The following FEZ2 variants were observed in gnomAD, a reference collection of about 807,000 sequenced individuals.
FEZ2 encodes fasciculation and elongation protein zeta 2.
FEZ2 carries 51 observed loss-of-function variants against 40.4 expected under a neutral mutation model. The ratio of observed to expected loss-of-function variants is 1.26; its 90% CI spans 1.01 to 1.59. The LOEUF (loss-of-function observed/expected upper bound fraction) is 1.59. Ranked by LOEUF, FEZ2 falls within the 40% of genes most tolerant of loss-of-function variation. FEZ2 has a pLI of 0.00. For missense variants in FEZ2, 640 were observed against 438.3 expected (o/e 1.46, Z -4.11); for synonymous variants, 242 against 172.0 (o/e 1.41, Z -3.18).
intron 2 of FEZ2, among the ~76,000 whole-genome samples, chr2:36,587,081 G>T (rs1156877839): frequency 2.6e-5 from 4 of 152,196 alleles, no homozygotes; most frequent in African/African-American, 7.2e-5. Context: ...CAGCACAGAA[G>T]ATGTTCTTAA....
rs1667942366 is a variant in FEZ2, at chr2:36,555,748, A to ATGTCCTCCTT, written c.980-1_980insAAGGAGGACA (p.Ile327LysfsTer13). On this transcript the variant is annotated frameshift_variant and splice_region_variant. Transcript: ENST00000405912. LOFTEE classifies it high-confidence loss of function. The stretch of plus-strand genomic sequence containing the variant: ...ACTGTCCTCCTTCATGGCACGAAGA[A>ATGTCCTCCTT]CTGCAAAATAGAAGAGGGGAAAAAA... The ATGTCCTCCTT allele has an allele frequency of 5.8e-6, 9 of 1,548,352 alleles. No homozygotes were observed. Among genetic ancestry groups the ATGTCCTCCTT allele is most frequent in the African/African-American group, 1.4e-5 (1 of 71,840 alleles).
intron 7 of FEZ2, among the ~76,000 whole-genome samples, chr2:36,553,476 C>T (rs1667874715): frequency 6.6e-6 from 1 of 152,142 alleles, no homozygotes; most frequent in Admixed American, 6.5e-5. Context: ...TGTGACACAA[C>T]AAACAGGATC....
intron 1 of FEZ2, among the ~76,000 whole-genome samples, chr2:36,596,814 C>G (rs981263624): frequency 7.2e-5 from 11 of 152,110 alleles, no homozygotes; most frequent in Admixed American, 3.9e-4. Flanking sequence ...CTCCTCTCCC[C>G]CTATATACAC....
intron 5 of FEZ2, among the ~76,000 whole-genome samples, chr2:36,573,749 G>C (rs1396137355): frequency 6.6e-6 from 1 of 152,140 alleles, no homozygotes; most frequent in African/African-American, 2.4e-5. Context: ...CCTCATAACA[G>C]GCATATAAAC....
chr2:36,585,209 G>A (rs1007358778), intron 2 of FEZ2, among the ~76,000 whole-genome samples: 6 of 152,166 alleles, frequency 3.9e-5, no homozygotes, highest in Non-Finnish European at 5.9e-5. Context: ...CATGTTTGGA[G>A]AAATTCCATC....
At position 36,587,949 on chromosome 2, in the gene FEZ2, T is replaced by A. The variant is rs993774026; in HGVS notation, c.375+2954A>T. Among the ~76,000 whole-genome samples, 5 of 152,316 alleles carry A rather than the reference T, an allele frequency of 3.3e-5. No individual in the cohort carries two copies. The East Asian group carries it at 9.6e-4, about 29-fold the overall frequency. On this transcript the variant is annotated intron_variant, in intron 2 of 7. Transcript: ENST00000405912. ...ATTTCAATTCTATTCATCACCAGAA[T>A]AGTCATGTCACAACAGAGAGATGAT...
At chr2:36,575,806 C>A (rs1016732252) in intron 5 of FEZ2, among the ~76,000 whole-genome samples, 6 of 152,002 alleles carry the variant, frequency 3.9e-5, no homozygotes, top group African/African-American at 1.5e-4. Context: ...ATTAGAGTAT[C>A]TTTGGACCAA....
At chr2:36,591,149 A>G (rs1175785018) in intron 1 of FEZ2, 138 bp from the exon 2 acceptor site, 2 of 641,756 alleles carry the variant, frequency 3.1e-6, no homozygotes, top group Non-Finnish European at 5.5e-6. Context: ...TCAGAAAAAC[A>G]TCAACAAAGT....
intron 1 of FEZ2, 138 bp downstream of exon 1, chr2:36,597,739 A>C (rs2148356286): frequency 3.3e-6 from 2 of 598,992 alleles, no homozygotes; most frequent in Middle Eastern, 5.0e-4. Context: ...CGACGGCCGG[A>C]GGAAGGAGGC....
At position 36,576,306 on chromosome 2, in the gene FEZ2, G is replaced by A. The variant is rs1300944070; in HGVS notation, c.903+2291C>T. On this transcript the variant is annotated intron_variant, in intron 5 of 7. Transcript: ENST00000405912. ...TTTTTTTGAGACAGAGCCTCGTTCT[G>A]TTGCCCGGGCTGGAGTACAGTGGAG... Among the ~76,000 whole-genome samples the A allele has an allele frequency of 2.0e-5, 3 of 150,290 alleles. No individual in the cohort carries two copies. In the East Asian group the frequency reaches 5.9e-4, roughly 29 times the overall value.
rs762600198 is a variant in FEZ2 at position 36,583,431 on chromosome 2, T to A, written c.414A>T (p.Glu138Asp). ...DSLLFDTSDD[E>D]ELREQLDMHS... ...GCATATCCAGCTGTTCTCTCAGCTC[T>A]TCATCATCTGATGTATCAAAGAGCA... The change falls in exon 3 of 8, where the codon GAA becomes GAT. Residue 138 changes from glutamate to aspartate, a missense_variant. Coordinates refer to ENST00000405912, the MANE Select transcript of FEZ2 (RefSeq NM_005102.3). 1 of 1,607,278 alleles carries A rather than the reference T, an allele frequency of 6.2e-7. No individual in the cohort carries two copies. The highest frequency in any genetic ancestry group is 8.5e-7 in the Non-Finnish European group (1 of 1,173,956).
intron 5 of FEZ2, among the ~76,000 whole-genome samples, chr2:36,576,660 G>T (rs1421041479): frequency 1.3e-5 from 2 of 152,232 alleles, no homozygotes; most frequent in Non-Finnish European, 2.9e-5. Flanking sequence ...GACACAAATT[G>T]TAAATCAGGC....
rs1248605391 is a variant in FEZ2 at position 36,553,124 on chromosome 2, A to C, written c.*39T>G. 3.9e-6 allele frequency: 6 copies of C among 1,546,370 alleles called. No individual in the cohort carries two copies. In the South Asian group the frequency reaches 7.1e-5, roughly 18 times the overall value. On this transcript the variant is annotated 3_prime_UTR_variant, in exon 8 of 8. Transcript: ENST00000405912. ...CCAGCTCTCAGAATAATGCTGTCGG[A>C]AATCTAGCTTGGAGCCCACCGCAGA...
chr2:36,558,490 A>G lies in FEZ2; in HGVS notation c.927T>C (p.Tyr309=). The G allele has an allele frequency of 5.2e-6, 8 of 1,523,852 alleles. No homozygotes were observed. Among genetic ancestry groups the G allele is most frequent in the Non-Finnish European group, 7.1e-6 (8 of 1,131,616 alleles). The allele number at this position is 1,523,852 out of a possible 1,614,324, so 94.4% of individuals were successfully genotyped here. The change falls in exon 6 of 8, where the codon TAT becomes TAC. Residue 309 remains tyrosine, a synonymous_variant. Coordinates refer to ENST00000405912, the MANE Select transcript of FEZ2 (RefSeq NM_005102.3). ...PGTYLTTVIP[Y]EKKNGPPSVE... ...CAGACGGTGGTCCGTTTTTTTTCTCATAAGGAATGACTGTAGTCAAATACT... is the reference window on the plus strand; with the variant it reads ...CAGACGGTGGTCCGTTTTTTTTCTCGTAAGGAATGACTGTAGTCAAATACT...
At chr2:36,581,855 C>A (rs1210334954) in intron 3 of FEZ2, among the ~76,000 whole-genome samples, 1 of 151,776 alleles carries the variant, frequency 6.6e-6, no homozygotes, top group Non-Finnish European at 1.5e-5. Flanking sequence ...ATCAAAAATT[C>A]TGACATAAAA....
chr2:36,589,408 T>C (rs577194149), intron 2 of FEZ2, among the ~76,000 whole-genome samples: 2 of 152,350 alleles, frequency 1.3e-5, no homozygotes, highest in South Asian at 4.1e-4. Flanking sequence ...CATGGCTAAA[T>C]GACCATCTGT....
rs555712116 is a variant in FEZ2 at position 36,592,380 on chromosome 2, G to C, written c.267-1369C>G. Among the ~76,000 whole-genome samples the C allele has an allele frequency of 3.9e-5, 6 of 152,188 alleles. No homozygotes were observed. In the East Asian group the frequency reaches 1.2e-3, roughly 29 times the overall value. Reference sequence around the variant, plus strand: ...CTGCACCTATCAACCCATCACCTAGGTATTAAGCCCAAGAATGAAAATTTT... The same window carrying C: ...CTGCACCTATCAACCCATCACCTAGCTATTAAGCCCAAGAATGAAAATTTT... On this transcript the variant is annotated intron_variant, in intron 1 of 7. Transcript: ENST00000405912.
intron 7 of FEZ2, among the ~76,000 whole-genome samples, chr2:36,554,766 C>A (rs959618728): frequency 6.6e-6 from 1 of 152,184 alleles, no homozygotes; most frequent in Non-Finnish European, 1.5e-5. Context: ...TGAGGTTCCC[C>A]TTTCATGACA....
At chr2:36,558,358 C>A in intron 6 of FEZ2, 80 bp downstream of exon 6, 1 of 822,314 alleles carries the variant, frequency 1.2e-6, no homozygotes, top group Non-Finnish European at 1.9e-6. Flanking sequence ...ACACTAACAA[C>A]AAAATCAGCC....
Sources: allele counts gnomAD v4.1 joint callset (sites outside exome capture counted in the v4.1 genomes callset), GRCh38; gene constraint gnomAD v4.1.1; transcripts MANE v1.5; gene names NCBI Gene and HGNC (gene_info 2026-07-23, HGNC 2026-07-21).